Variants in USP47 observed in about 807,000 individuals in gnomAD.
USP47 encodes ubiquitin specific peptidase 47, also known as ubiquitin carboxyl-terminal hydrolase 47.
A neutral mutation model predicts 165.1 loss-of-function variants in USP47; 35 were observed. The ratio of observed to expected loss-of-function variants is 0.21; its 90% CI spans 0.16 to 0.28. The LOEUF (loss-of-function observed/expected upper bound fraction) is 0.28. Among genes scored for constraint, USP47 ranks in the 10% least tolerant of loss-of-function variants. USP47 has a pLI of 1.00. For synonymous variants in USP47, 531 were observed against 544.5 expected (o/e 0.98, Z 0.35); for missense variants, 1,277 against 1,607.4 (o/e 0.79, Z 3.52).
At chr11:11,863,748 A>G (rs1849510179) in intron 1 of USP47, among the ~76,000 whole-genome samples, 1 of 152,158 alleles carries the variant, frequency 6.6e-6, no homozygotes, top group Admixed American at 6.5e-5. Flanking sequence ...TTTTACATTG[A>G]ATAAATCATT....
chr11:11,905,615 T>C (rs1728578177), intron 8 of USP47, 67 bp downstream of exon 8: 2 of 1,432,658 alleles, frequency 1.4e-6, no homozygotes, highest in African/African-American at 2.8e-5. Context: ...AGTGGTATAA[T>C]CTCTTGTAAG....
chr11:11,927,843 G>A (rs1389793825), intron 11 of USP47, among the ~76,000 whole-genome samples: 2 of 152,000 alleles, frequency 1.3e-5, no homozygotes, highest in Non-Finnish European at 2.9e-5. Flanking sequence ...TTTGGATGAA[G>A]GCACTTTACT....
intron 1 of USP47, among the ~76,000 whole-genome samples, chr11:11,859,481 T>A (rs903112606): frequency 2.6e-5 from 4 of 152,180 alleles, no homozygotes; most frequent in African/African-American, 7.2e-5. Context: ...GCATAAGGTA[T>A]AAGGTTTGTC....
intron 11 of USP47, among the ~76,000 whole-genome samples, chr11:11,924,959 A>G (rs893149319): frequency 3.3e-5 from 5 of 151,982 alleles, no homozygotes; most frequent in Non-Finnish European, 5.9e-5. Context: ...CCTATTTTCA[A>G]TATTGATAAG....
chr11:11,947,822 C>G (rs1855943202), intron 20 of USP47, 123 bp from the exon 21 acceptor site: 1 of 957,682 alleles, frequency 1.0e-6, no homozygotes, highest in Admixed American at 3.1e-5. Flanking sequence ...TAGCTAAAGT[C>G]TAACTGAAAA....
chr11:11,918,252 A>G (rs1012926494), intron 8 of USP47, among the ~76,000 whole-genome samples: 5 of 152,126 alleles, frequency 3.3e-5, no homozygotes, highest in Non-Finnish European at 7.4e-5. Flanking sequence ...ATTTTATAAA[A>G]TAAGTGGCCT....
chr11:11,879,256 T>C (rs1202319207), intron 1 of USP47, among the ~76,000 whole-genome samples: 1 of 152,088 alleles, frequency 6.6e-6, no homozygotes, highest in Admixed American at 6.6e-5. Context: ...AAAGGTAGAA[T>C]TGATAGGTTT....
chr11:11,915,228 T>C (rs1853326507), intron 8 of USP47, among the ~76,000 whole-genome samples: 1 of 152,180 alleles, frequency 6.6e-6, no homozygotes, highest in Non-Finnish European at 1.5e-5. Context: ...AAAGCCAATC[T>C]CAAAAGGTTA....
At chr11:11,876,722 C>A (rs1850443070) in intron 1 of USP47, among the ~76,000 whole-genome samples, 1 of 152,198 alleles carries the variant, frequency 6.6e-6, no homozygotes, top group Non-Finnish European at 1.5e-5. Context: ...TTCCTCACAG[C>A]ATGCTGATTG....
chr11:11,858,402 T>C (rs1849184740), intron 1 of USP47, among the ~76,000 whole-genome samples: 1 of 152,204 alleles, frequency 6.6e-6, no homozygotes, highest in African/African-American at 2.4e-5. Flanking sequence ...ATTATTTATA[T>C]ATAGAAAAAT....
At chr11:11,892,953 A>G (rs1304559473) in intron 4 of USP47, among the ~76,000 whole-genome samples, 10 of 152,068 alleles carry the variant, frequency 6.6e-5, no homozygotes, top group Non-Finnish European at 4.4e-5. Flanking sequence ...CTTTTACAGT[A>G]CTTCCATTTT....
intron 1 of USP47, among the ~76,000 whole-genome samples, chr11:11,879,736 T>G (rs1850707592): frequency 6.6e-6 from 1 of 152,148 alleles, no homozygotes. Context: ...TAGACAATCC[T>G]TACTGCATTT....
chr11:11,875,060 TGTGTG>T (rs1564859505), intron 1 of USP47, among the ~76,000 whole-genome samples: 1 of 151,724 alleles, frequency 6.6e-6, no homozygotes, highest in African/African-American at 2.4e-5. Flanking sequence ...TGTGTGTGTG[TGTGTG>T]TGTGTGTGTG....
rs955642907 is a variant in USP47 at position 11,957,807 on chromosome 11, C to T, written c.*1632C>T. ...GGCTCTGCCATTTGAATATAATCAC[C>T]GAGAATTCCATGTCTTAAAAGTCTC... On this transcript the variant is annotated 3_prime_UTR_variant, in exon 28 of 28. Coordinates refer to ENST00000527733, the MANE Select transcript of USP47 (RefSeq NM_001282659.2). 1 of 151,256 alleles carries T rather than the reference C, an allele frequency of 6.6e-6. No individual in the cohort carries two copies. The highest frequency in any genetic ancestry group is 1.5e-5 in the Non-Finnish European group (1 of 67,876). The allele number at this position is 151,256 out of a possible 1,614,324, so 9.4% of individuals were successfully genotyped here. A position where few individuals can be genotyped will look rare whatever the true frequency, so the allele number is the denominator to read the frequency against.
chr11:11,933,873 G>A lies in USP47; in HGVS notation c.1807G>A (p.Glu603Lys). The A allele has an allele frequency of 6.2e-7, 1 of 1,609,982 alleles. No individual in the cohort carries two copies. The highest frequency in any genetic ancestry group is 8.5e-7 in the Non-Finnish European group (1 of 1,177,370). ...GCATCCTACAAAACAAGTAATGATG[G>A]AAAATAAATTGGAGGTTCATAAGGA... is the stretch of plus-strand genomic sequence containing the variant. ...CLHPTKQVMM[E>K]NKLEVHKDKT... The change falls in exon 16 of 28, where the codon GAA becomes AAA. Residue 603 changes from glutamate (E) to lysine (K), a missense_variant. Glu to Lys is a moderately conservative substitution (Grantham distance 56). This residue lies in a region of USP47 where 909 missense variants were observed against 1,068.1 expected (regional missense o/e 0.85). Transcript: ENST00000527733.
intron 1 of USP47, among the ~76,000 whole-genome samples, chr11:11,854,950 C>T (rs746965664): frequency 4.0e-5 from 6 of 149,508 alleles, no homozygotes; most frequent in East Asian, 2.0e-4. Flanking sequence ...AAAAAATTAG[C>T]CGGGTGCAGT....
intron 17 of USP47, among the ~76,000 whole-genome samples, chr11:11,937,075 TTTG>T (rs1422119550): frequency 2.6e-5 from 4 of 151,768 alleles, no homozygotes; most frequent in African/African-American, 4.8e-5. Flanking sequence ...GCACATTGAG[TTTG>T]TTATTTTTTT....
chr11:11,912,177 A>G (rs950868995), intron 8 of USP47, among the ~76,000 whole-genome samples: 8 of 151,844 alleles, frequency 5.3e-5, no homozygotes, highest in African/African-American at 1.7e-4. Flanking sequence ...AAGAAGAGCA[A>G]AAGAAACCCA....
intron 1 of USP47, among the ~76,000 whole-genome samples, chr11:11,877,844 TGTGTGTGTGTGTGTGCGC>T (rs1564860900): frequency 4.4e-5 from 5 of 113,858 alleles, no homozygotes; most frequent in South Asian, 3.1e-4. Flanking sequence ...TGTGTGTGTG[TGTGTGTGTGTGTGTGCGC>T]GCGCGCAGAT....
Sources: gnomAD v4.1 joint callset for allele counts (sites outside exome capture counted in the v4.1 genomes callset) on GRCh38, gnomAD v4.1.1 for gene constraint, gnomAD v4.1.1 regional missense constraint, MANE v1.5 for transcripts, NCBI Gene and HGNC (gene_info 2026-07-23, HGNC 2026-07-21) for gene names.